Variants in MAGI3 observed in about 807,000 individuals in gnomAD.
MAGI3 encodes the protein membrane associated guanylate kinase, WW and PDZ domain containing 3, also known as membrane-associated guanylate kinase, WW and PDZ domain-containing protein 3.
Under a neutral mutation model 121.8 loss-of-function variants are expected in MAGI3, and 43 were observed. The ratio of observed to expected loss-of-function variants is 0.35; its 90% CI spans 0.28 to 0.46. The LOEUF (loss-of-function observed/expected upper bound fraction) is 0.46, where lower values mean the gene tolerates loss of function less well. MAGI3 is among the 20% of genes least tolerant of loss of function. MAGI3 has a pLI of 1.00. For synonymous variants in MAGI3, 553 were observed against 639.3 expected (o/e 0.86, Z 2.04); for missense variants, 1,547 against 1,797.3 (o/e 0.86, Z 2.52).
chr1:113,663,373 C>T lies in MAGI3; in HGVS notation c.2815+4108C>T, dbSNP rs750115544. On this transcript the variant is annotated intron_variant, in intron 16 of 20. Coordinates refer to ENST00000307546, the MANE Select transcript of MAGI3 (RefSeq NM_001142782.2). ...CATTAGAAATCACTTCCCATTCTCT[C>T]GAAACCCCCATCCCTAGGCAACCAC... Among the ~76,000 whole-genome samples, 67 of 151,754 alleles carry T rather than the reference C, an allele frequency of 4.4e-4. 4 individuals are homozygous for T. The highest frequency in any genetic ancestry group is 1.0e-4 in the Non-Finnish European group (7 of 67,938).
At chr1:113,400,989 ATGTCAGGGCATTTTATACC>A (rs1050040173) in intron 1 of MAGI3, among the ~76,000 whole-genome samples, 2 of 152,130 alleles carry the variant, frequency 1.3e-5, no homozygotes, top group Non-Finnish European at 2.9e-5. Flanking sequence ...AATAACTTCC[ATGTCAGGGCATTTTATACC>A]TGTCTTATTT....
chr1:113,410,644 AT>A (rs1033543747), intron 1 of MAGI3, among the ~76,000 whole-genome samples: 5 of 150,864 alleles, frequency 3.3e-5, no homozygotes, highest in South Asian at 4.2e-4. Context: ...CCAAAAAAAG[AT>A]TTTTTTTTCC....
chr1:113,441,276 T>A (rs1653899378), intron 1 of MAGI3, among the ~76,000 whole-genome samples: 1 of 152,160 alleles, frequency 6.6e-6, no homozygotes, highest in African/African-American at 2.4e-5. Context: ...CTCAGCTTCC[T>A]ATTATTGGAG....
intron 1 of MAGI3, among the ~76,000 whole-genome samples, chr1:113,423,266 G>A (rs1418508504): frequency 3.4e-5 from 5 of 148,538 alleles, no homozygotes; most frequent in South Asian, 2.2e-4. Context: ...TTTTGGGGGG[G>A]GGGTTGTTTT....
chr1:113,585,625 T>C, intron 4 of MAGI3, 29 bp downstream of exon 4: 4 of 1,563,966 alleles, frequency 2.6e-6, no homozygotes, highest in Non-Finnish European at 3.5e-6. Flanking sequence ...AACTTCTAAC[T>C]GATCTTCTAG....
At position 113,431,535 on chromosome 1, in the gene MAGI3, G is replaced by A. The variant is rs998233674; in HGVS notation, c.316+40186G>A. Reference sequence around the variant, plus strand: ...ACAGAAAAATCAATAGTTTAGCATAGATGTTGGATATAAGGTAATGATTAA... The same window carrying A: ...ACAGAAAAATCAATAGTTTAGCATAAATGTTGGATATAAGGTAATGATTAA... On this transcript the variant is annotated intron_variant, in intron 1 of 20. Coordinates refer to ENST00000307546, the MANE Select transcript of MAGI3 (RefSeq NM_001142782.2). Among the ~76,000 whole-genome samples the A allele has an allele frequency of 3.3e-5, 5 of 152,242 alleles. No homozygotes were observed. In the South Asian group the frequency reaches 1.0e-3, roughly 32 times the overall value.
At chr1:113,494,816 T>A (rs1656839130) in intron 1 of MAGI3, among the ~76,000 whole-genome samples, 2 of 152,202 alleles carry the variant, frequency 1.3e-5, no homozygotes, top group South Asian at 4.1e-4. Context: ...GTTTGAGTAC[T>A]TTTATATACT....
rs552346376 is a variant in MAGI3 at position 113,676,447 on chromosome 1, G to A, written c.3189+2982G>A. Among the ~76,000 whole-genome samples the A allele has an allele frequency of 5.7e-4, 87 of 152,294 alleles. No homozygotes were observed. The South Asian group carries it at 8.3e-3, about 15-fold the overall frequency. ...GCTTTATGAATGAGCAGAAACTTTA[G>A]AATCTAATGATGAAATCAGCTTTTA... On this transcript the variant is annotated intron_variant, in intron 19 of 20. Transcript: ENST00000307546.
At chr1:113,593,751 A>G (rs1648834612) in intron 5 of MAGI3, among the ~76,000 whole-genome samples, 1 of 152,294 alleles carries the variant, frequency 6.6e-6, no homozygotes, top group East Asian at 1.9e-4. Flanking sequence ...TGACTATGAC[A>G]TATAATGAAA....
At chr1:113,392,845 AG>A (rs1650901554) in intron 1 of MAGI3, among the ~76,000 whole-genome samples, 1 of 152,228 alleles carries the variant, frequency 6.6e-6, no homozygotes, top group South Asian at 2.1e-4. Context: ...TCAGCTAGTC[AG>A]GCACTGTCTG....
At chr1:113,645,497 G>A (rs938296385) in intron 11 of MAGI3, among the ~76,000 whole-genome samples, 6 of 152,098 alleles carry the variant, frequency 3.9e-5, no homozygotes, top group Non-Finnish European at 7.4e-5. Context: ...CACTGCAGTC[G>A]CAGTGGCCCT....
intron 15 of MAGI3, among the ~76,000 whole-genome samples, chr1:113,657,665 C>T (rs1041139410): frequency 3.3e-5 from 5 of 152,174 alleles, no homozygotes; most frequent in African/African-American, 7.2e-5. Flanking sequence ...ACAGGGCCAC[C>T]GTATGACCTG....
intron 1 of MAGI3, among the ~76,000 whole-genome samples, chr1:113,447,066 G>C (rs1421072078): frequency 1.3e-5 from 2 of 152,152 alleles, no homozygotes; most frequent in East Asian, 3.9e-4. Flanking sequence ...AAAATGTTTT[G>C]AATAGTGATG....
intron 5 of MAGI3, 59 bp downstream of exon 5, chr1:113,590,717 T>C: frequency 6.8e-7 from 1 of 1,480,832 alleles, no homozygotes; most frequent in Non-Finnish European, 9.0e-7. Context: ...TTGTCTAAGA[T>C]TTTTTTAAAC....
chr1:113,596,494 T>C (rs1190151014), intron 6 of MAGI3, among the ~76,000 whole-genome samples: 1 of 152,194 alleles, frequency 6.6e-6, no homozygotes, highest in Non-Finnish European at 1.5e-5. Flanking sequence ...ATATTTTGCA[T>C]GTAATAGAAA....
intron 9 of MAGI3, among the ~76,000 whole-genome samples, chr1:113,641,031 GAT>G (rs55874342): frequency 0.74 from 72,690 of 97,606 alleles, 28,275 homozygotes; most frequent in African/African-American, 0.81. Flanking sequence ...TAATATATAT[GAT>G]ATATATAATA....
intron 2 of MAGI3, among the ~76,000 whole-genome samples, chr1:113,578,472 C>T (rs571759422): frequency 1.1e-4 from 17 of 151,864 alleles, no homozygotes; most frequent in African/African-American, 3.9e-4. Context: ...TGCAGTGGTG[C>T]TGCAATGATA....
intron 1 of MAGI3, among the ~76,000 whole-genome samples, chr1:113,471,918 G>T (rs143844484): frequency 6.6e-6 from 1 of 152,026 alleles, no homozygotes; most frequent in Non-Finnish European, 1.5e-5. Flanking sequence ...CTGTTAATAC[G>T]TGCTTTGTTT....
chr1:113,429,321 C>T (rs1184971055), intron 1 of MAGI3, among the ~76,000 whole-genome samples: 1 of 152,118 alleles, frequency 6.6e-6, no homozygotes, highest in Non-Finnish European at 1.5e-5. Context: ...GCATTTTGAA[C>T]AAAGAATTGG....
Sources: allele counts gnomAD v4.1 joint callset (sites outside exome capture counted in the v4.1 genomes callset), GRCh38; gene constraint gnomAD v4.1.1; transcripts MANE v1.5; gene names NCBI Gene and HGNC (gene_info 2026-07-23, HGNC 2026-07-21).